Variants in IFI44L observed in about 807,000 individuals in gnomAD.
IFI44L encodes the protein interferon induced protein 44 like, also known as interferon-induced protein 44-like.
Under a neutral mutation model 39.3 loss-of-function variants are expected in IFI44L, and 40 were observed. That is an observed-to-expected ratio of 1.02 (90% CI 0.79 to 1.33). The LOEUF (loss-of-function observed/expected upper bound fraction) is 1.33. Ranked by LOEUF, IFI44L falls within the 40% of genes most tolerant of loss-of-function variation. The pLI is 0.00. For missense variants in IFI44L, 623 were observed against 549.0 expected, an observed-to-expected ratio of 1.13 and a Z score of -1.35; for synonymous variants, 198 against 182.3, an observed-to-expected ratio of 1.09 and a Z score of -0.69.
chr1:78,623,827 C>A (rs1279297789), intron 1 of IFI44L, among the ~76,000 whole-genome samples: 1 of 152,100 alleles, frequency 6.6e-6, no homozygotes, highest in East Asian at 1.9e-4. Flanking sequence ...AAGATGGATA[C>A]TCCAGCTCAA....
At position 78,628,165 on chromosome 1, in the gene IFI44L, T is replaced by C; in HGVS notation, c.250T>C (p.Trp84Arg). The C allele has an allele frequency of 1.9e-6, 3 of 1,612,580 alleles. No individual in the cohort carries two copies. The highest frequency in any genetic ancestry group is 1.3e-5 in the African/African-American group (1 of 74,982). Residue 84 changes from tryptophan to arginine, a missense_variant, in exon 2 of 9, where the codon TGG becomes CGG. Transcript: ENST00000370751. ...TTCTACAGAGCCAAATGATTCCCTA[T>C]GGTTTTCACTTCAAAAGAAAAATGA... ...ESSTEPNDSLWFSLQKKNDTT... is the reference protein window; with the variant it reads ...ESSTEPNDSLRFSLQKKNDTT...
At chr1:78,633,583 A>G (rs1195213114) in intron 4 of IFI44L, among the ~76,000 whole-genome samples, 1 of 152,186 alleles carries the variant, frequency 6.6e-6, no homozygotes, top group Admixed American at 6.5e-5. Flanking sequence ...TTGTTGAAGG[A>G]CTTTTCCAGA....
intron 6 of IFI44L, among the ~76,000 whole-genome samples, chr1:78,638,463 A>G (rs1287502027): frequency 6.6e-6 from 1 of 152,008 alleles, no homozygotes; most frequent in African/African-American, 2.4e-5. Flanking sequence ...TGAATTCTAG[A>G]TATTTTGTTA....
chr1:78,635,528 T>G (rs746332683), intron 5 of IFI44L, 39 bp downstream of exon 5: 4 of 1,587,592 alleles, frequency 2.5e-6, no homozygotes, highest in Non-Finnish European at 3.4e-6. Flanking sequence ...TCAAATCATT[T>G]TCTTCAGTAT....
chr1:78,628,274 A>T lies in IFI44L; in HGVS notation c.359A>T (p.Asp120Val), dbSNP rs1054935653. The T allele has an allele frequency of 5.6e-6, 9 of 1,608,634 alleles. No individual in the cohort carries two copies. The East Asian group carries it at 1.6e-4, about 28-fold the overall frequency. ...EQLVCRLSKT[D>V]IFIICRDNKI... is the part of the protein sequence containing the mutation. ...CTGGTGTGTCGTTTATCGAAAACGGATATTTTCATTATATGTCGAGATAAT... is the reference window on the plus strand; with the variant it reads ...CTGGTGTGTCGTTTATCGAAAACGGTTATTTTCATTATATGTCGAGATAAT... Residue 120 changes from aspartate (D) to valine (V), a missense_variant, in exon 2 of 9, where the codon GAT becomes GTT. By Grantham distance (152) the Asp-to-Val change is radical (BLOSUM62 -3). Coordinates refer to ENST00000370751, the MANE Select transcript of IFI44L (RefSeq NM_006820.4).
At chr1:78,638,673 A>G (rs983355969) in intron 6 of IFI44L, among the ~76,000 whole-genome samples, 6 of 151,838 alleles carry the variant, frequency 4.0e-5, no homozygotes, top group Admixed American at 3.9e-4. Context: ...ATTCTTTTTC[A>G]GGTCTTCTAT....
At chr1:78,636,078 C>A (rs1479590686) in intron 5 of IFI44L, 1 of 151,120 alleles carries the variant, frequency 6.6e-6, no homozygotes, top group Non-Finnish European at 1.5e-5. Context: ...AAAAAGCCAA[C>A]AATGATTGTT....
At chr1:78,637,625 TC>T (rs2100385376) in intron 6 of IFI44L, among the ~76,000 whole-genome samples, 1 of 152,254 alleles carries the variant, frequency 6.6e-6, no homozygotes, top group South Asian at 2.1e-4. Context: ...CCACTATTCC[TC>T]CACCATCCTT....
At position 78,635,491 on chromosome 1, in the gene IFI44L, T is replaced by C. The variant is rs979734314; in HGVS notation, c.876+2T>C. 6.2e-7 allele frequency: 1 copy of C among 1,607,588 alleles called. No individual in the cohort carries two copies. Among genetic ancestry groups the C allele is most frequent in the Non-Finnish European group, 8.5e-7 (1 of 1,177,808 alleles). ...GGTTGTATGCCAGACAGATATCAGGTAAGATTTCTTCAATATCCAAAACAT... is the reference window on the plus strand; with the variant it reads ...GGTTGTATGCCAGACAGATATCAGGCAAGATTTCTTCAATATCCAAAACAT... On this transcript the variant is annotated splice_donor_variant, in intron 5 of 8. Transcript: ENST00000370751. LOFTEE classifies it high-confidence loss of function.
rs1331270557 is a variant in IFI44L at position 78,637,074 on chromosome 1, A to C, written c.919A>C (p.Ile307Leu). Residue 307 changes from isoleucine to leucine, a missense_variant, in exon 6 of 9, where the codon ATC (isoleucine) becomes CTC (leucine). By Grantham distance (5) the Ile-to-Leu change is conservative. Coordinates refer to ENST00000370751, the MANE Select transcript of IFI44L (RefSeq NM_006820.4). ...AATTACACCTGAGCATTCTACTTTT[A>C]TCACCTCTCCATCTCTGAAGGACAG... ...KPITPEHSTF[I>L]TSPSLKDRIH... 2.5e-6 allele frequency: 4 copies of C among 1,612,238 alleles called. No homozygotes were observed. Among genetic ancestry groups the C allele is most frequent in the Non-Finnish European group, 3.4e-6 (4 of 1,178,516 alleles).
At chr1:78,622,254 C>T (rs1033921767) in intron 1 of IFI44L, among the ~76,000 whole-genome samples, 4 of 152,236 alleles carry the variant, frequency 2.6e-5, no homozygotes, top group Non-Finnish European at 5.9e-5. Flanking sequence ...CTGCAAATGA[C>T]ATGATTTTAC....
intron 1 of IFI44L, 117 bp from the exon 2 acceptor site, chr1:78,627,789 A>G (rs1336930462): frequency 2.1e-6 from 1 of 476,144 alleles, no homozygotes; most frequent in Admixed American, 4.3e-5. Flanking sequence ...CCTTAACCAA[A>G]CAATGTGTTT....
chr1:78,621,537 G>C (rs1343231740), intron 1 of IFI44L, among the ~76,000 whole-genome samples: 1 of 152,090 alleles, frequency 6.6e-6, no homozygotes, highest in South Asian at 2.1e-4. Flanking sequence ...CTCCCAAAGT[G>C]CTGGGATTAC....
chr1:78,633,536 T>C (rs1304048646), intron 4 of IFI44L, among the ~76,000 whole-genome samples: 1 of 152,184 alleles, frequency 6.6e-6, no homozygotes, highest in East Asian at 1.9e-4. Flanking sequence ...TTTGGGACTA[T>C]GCAAGGCAGC....
In IFI44L at chr1:78,643,658, T is replaced by G. The variant is rs1200047057; in HGVS notation, c.*1849T>G. The G allele has an allele frequency of 2.8e-5, 4 of 141,214 alleles. No homozygotes were observed. The highest frequency in any genetic ancestry group is 4.8e-5 in the Non-Finnish European group (3 of 62,986). 8.7% of individuals were successfully genotyped at this position (141,214 alleles called of 1,614,324 possible). On this transcript the variant is annotated 3_prime_UTR_variant, in exon 9 of 9. Coordinates refer to ENST00000370751, the MANE Select transcript of IFI44L (RefSeq NM_006820.4). ...TTGTTTTTTTTTTGTTGTTGTTTTT[T>G]TTTTTTTTTGTTTTTTTGCTGAGTC...
chr1:78,627,798 T>TAA, intron 1 of IFI44L, 108 bp from the exon 2 acceptor site: 1 of 527,714 alleles, frequency 1.9e-6, no homozygotes. Context: ...AACAATGTGT[T>TAA]TTAATTGAGT....
At position 78,628,205 on chromosome 1, in the gene IFI44L, A is replaced by G; in HGVS notation, c.290A>G (p.Glu97Gly). The part of the protein sequence containing the change: ...LQKKNDTTEI[E>G]TLLLNTAPKI... Reference sequence around the variant, plus strand: ...AAGAAAAATGACACCACTGAAATAGAAACTTTACTCTTAAATACAGCACCA... The same window carrying G: ...AAGAAAAATGACACCACTGAAATAGGAACTTTACTCTTAAATACAGCACCA... The change falls in exon 2 of 9, where the codon GAA becomes GGA. Residue 97 changes from glutamate to glycine, a missense_variant. By Grantham distance (98) the Glu-to-Gly change is moderately conservative. Transcript: ENST00000370751. 6.2e-7 allele frequency: 1 copy of G among 1,612,998 alleles called. No individual in the cohort carries two copies. Among genetic ancestry groups the G allele is most frequent in the Non-Finnish European group, 8.5e-7 (1 of 1,179,534 alleles).
At chr1:78,639,727 A>T (rs1260397993) in intron 6 of IFI44L, among the ~76,000 whole-genome samples, 1 of 152,112 alleles carries the variant, frequency 6.6e-6, no homozygotes, top group Non-Finnish European at 1.5e-5. Flanking sequence ...TTTGGTCCAG[A>T]ACTGGAAGTA....
intron 6 of IFI44L, among the ~76,000 whole-genome samples, chr1:78,639,284 T>A (rs114221932): frequency 0.022 from 3,298 of 152,226 alleles, 54 homozygotes; most frequent in Non-Finnish European, 0.038. Context: ...TACATTTTTT[T>A]CTTCTCTTAT....
Sources: allele counts gnomAD v4.1 joint callset (sites outside exome capture counted in the v4.1 genomes callset), GRCh38; gene constraint gnomAD v4.1.1; transcripts MANE v1.5; gene names NCBI Gene and HGNC (gene_info 2026-07-23, HGNC 2026-07-21).